Variants in HIBADH observed in about 807,000 individuals in gnomAD.
HIBADH encodes 3-hydroxyisobutyrate dehydrogenase.
HIBADH carries 25 observed loss-of-function variants against 36.1 expected under a neutral mutation model. The observed-to-expected ratio is 0.69, with a 90% CI of 0.50 to 0.97. The LOEUF is 0.97. HIBADH is among the 50% of genes least tolerant of loss of function. The probability of loss-of-function intolerance (pLI) is 0.00; values close to 1 mark genes in which losing one functional copy is unlikely to be tolerated. For synonymous variants in HIBADH, 160 were observed against 149.5 expected (o/e 1.07, Z -0.51); for missense variants, 421 against 418.0 (o/e 1.01, Z -0.06).
At position 27,629,450 on chromosome 7, in the gene HIBADH, A is replaced by G; in HGVS notation, c.405T>C (p.Ile135=). Residue 135 remains isoleucine, a synonymous_variant, in exon 4 of 8, where the codon ATT becomes ATC. Transcript: ENST00000265395. ...CCAATTCTTTTGAAACTGCAGGATC[A>G]ATAGTGCTGGAATCTATTAATAATG... ...KGSLLIDSST[I]DPAVSKELAK... The G allele has an allele frequency of 1.2e-6, 2 of 1,608,730 alleles. No homozygotes were observed. Among genetic ancestry groups the G allele is most frequent in the Non-Finnish European group, 1.7e-6 (2 of 1,176,238 alleles).
intron 4 of HIBADH, among the ~76,000 whole-genome samples, chr7:27,594,024 A>AT (rs1317147433): frequency 3.3e-5 from 5 of 149,896 alleles, no homozygotes; most frequent in South Asian, 2.1e-4. Flanking sequence ...CTCCGTCTCA[A>AT]AAAATAAATA....
At chr7:27,538,124 C>T (rs1359212699) in intron 6 of HIBADH, among the ~76,000 whole-genome samples, 7 of 152,286 alleles carry the variant, frequency 4.6e-5, no homozygotes, top group African/African-American at 1.4e-4. Context: ...AATGCACAGG[C>T]AATACATTTT....
At chr7:27,544,113 C>G (rs1401498937) in intron 4 of HIBADH, among the ~76,000 whole-genome samples, 1 of 152,060 alleles carries the variant, frequency 6.6e-6, no homozygotes, top group Non-Finnish European at 1.5e-5. Context: ...CTGTAATTGT[C>G]TGTAGTATGT....
intron 4 of HIBADH, among the ~76,000 whole-genome samples, chr7:27,558,727 A>T (rs1784427219): frequency 6.6e-6 from 1 of 152,168 alleles, no homozygotes; most frequent in African/African-American, 2.4e-5. Flanking sequence ...ACAAAACACA[A>T]GCATTTAGTC....
At chr7:27,622,482 A>G (rs1314428151) in intron 4 of HIBADH, among the ~76,000 whole-genome samples, 3 of 152,122 alleles carry the variant, frequency 2.0e-5, no homozygotes, top group African/African-American at 4.8e-5. Context: ...ACAAAGGATC[A>G]ACAAAACAAA....
At chr7:27,637,205 A>G (rs904835365) in intron 2 of HIBADH, among the ~76,000 whole-genome samples, 28 of 152,208 alleles carry the variant, frequency 1.8e-4, no homozygotes, top group African/African-American at 6.0e-4. Flanking sequence ...CCCATTTTAT[A>G]TAAGAATAAG....
intron 4 of HIBADH, among the ~76,000 whole-genome samples, chr7:27,575,919 A>G (rs754697359): frequency 6.6e-5 from 10 of 152,220 alleles, no homozygotes; most frequent in Non-Finnish European, 1.5e-4. Flanking sequence ...TATGCATACA[A>G]TCTTCCTTTG....
intron 4 of HIBADH, among the ~76,000 whole-genome samples, chr7:27,578,892 T>G (rs936075275): frequency 6.6e-6 from 1 of 152,110 alleles, no homozygotes; most frequent in Non-Finnish European, 1.5e-5. Context: ...CTCTATATGG[T>G]AACCAGAAAG....
chr7:27,588,024 A>G (rs1182596443), intron 4 of HIBADH, among the ~76,000 whole-genome samples: 1 of 152,248 alleles, frequency 6.6e-6, no homozygotes, highest in Non-Finnish European at 1.5e-5. Context: ...AATTTAGCTA[A>G]AATAGGGATT....
chr7:27,613,367 G>C (rs572463820), intron 4 of HIBADH, among the ~76,000 whole-genome samples: 3 of 57,510 alleles, frequency 5.2e-5, no homozygotes, highest in Admixed American at 3.8e-4. Flanking sequence ...AAAGAGCCTC[G>C]TTTAGATAGA....
chr7:27,626,455 T>C lies in HIBADH; in HGVS notation c.484+2916A>G, dbSNP rs531023865. Reference sequence around the variant, plus strand: ...GAAGTCATATAGCACTTAAATACAATTGTATTCTTTCTAATAAGGATAATG... The same window carrying C: ...GAAGTCATATAGCACTTAAATACAACTGTATTCTTTCTAATAAGGATAATG... On this transcript the variant is annotated intron_variant, in intron 4 of 7. Coordinates refer to ENST00000265395, the MANE Select transcript of HIBADH (RefSeq NM_152740.4). Among the ~76,000 whole-genome samples the C allele has an allele frequency of 9.9e-5, 15 of 152,260 alleles. 1 individual carries two copies. In the Middle Eastern group the frequency reaches 0.01, roughly 104 times the overall value.
At chr7:27,587,007 C>T (rs1191037097) in intron 4 of HIBADH, among the ~76,000 whole-genome samples, 1 of 152,226 alleles carries the variant, frequency 6.6e-6, no homozygotes, top group Non-Finnish European at 1.5e-5. Flanking sequence ...TGCATGGTCA[C>T]GTCCATCTGG....
chr7:27,659,097 T>C (rs995620612), intron 1 of HIBADH, among the ~76,000 whole-genome samples: 1 of 152,204 alleles, frequency 6.6e-6, no homozygotes, highest in Non-Finnish European at 1.5e-5. Flanking sequence ...ATTTCACATA[T>C]ACAAAAAGGA....
At chr7:27,550,000 C>T (rs971760684) in intron 4 of HIBADH, among the ~76,000 whole-genome samples, 1 of 152,110 alleles carries the variant, frequency 6.6e-6, no homozygotes, top group African/African-American at 2.4e-5. Context: ...CTCTGCCTCC[C>T]AGGTTCAAGC....
In HIBADH at chr7:27,608,834, T is replaced by A. The variant is rs191559375; in HGVS notation, c.484+20537A>T. 7.2e-5 allele frequency among the ~76,000 whole-genome samples: 11 copies of A among 152,318 alleles called. No individual in the cohort carries two copies. The East Asian group carries it at 2.1e-3, about 29-fold the overall frequency. On this transcript the variant is annotated intron_variant, in intron 4 of 7. Transcript: ENST00000265395. The stretch of plus-strand genomic sequence containing the variant: ...AATTGTGTCTGACTTACATCCTGAA[T>A]GGCAATTAAAGGACATTAAAAATAC...
In HIBADH at chr7:27,563,962, G is replaced by A. The variant is rs1011384587; in HGVS notation, c.485-20862C>T. Among the ~76,000 whole-genome samples, 481 of 146,260 alleles carry A rather than the reference G, an allele frequency of 3.3e-3. 6 individuals are homozygous for A. Among genetic ancestry groups the A allele is most frequent in the African/African-American group, 0.011 (447 of 39,248 alleles). On this transcript the variant is annotated intron_variant, in intron 4 of 7. Transcript: ENST00000265395. ...CGCCCAGGCTGGAGTGCAGTGGCACGATCTCGGCTCACTGTAAGCTCTGCC... is the reference window on the plus strand; with the variant it reads ...CGCCCAGGCTGGAGTGCAGTGGCACAATCTCGGCTCACTGTAAGCTCTGCC...
chr7:27,601,116 T>C lies in HIBADH; in HGVS notation c.484+28255A>G, dbSNP rs549113437. On this transcript the variant is annotated intron_variant, in intron 4 of 7. Transcript: ENST00000265395. ...AAACCTATGTATAAAACTGTAAAAG[T>C]TAAATCATGATGAGTATGGGCCGGT... Among the ~76,000 whole-genome samples, 4 of 152,224 alleles carry C rather than the reference T, an allele frequency of 2.6e-5. No homozygotes were observed. In the South Asian group the frequency reaches 8.3e-4, roughly 32 times the overall value.
intron 1 of HIBADH, among the ~76,000 whole-genome samples, chr7:27,662,240 GTGGT>G (rs1469828743): frequency 6.6e-6 from 1 of 152,158 alleles, no homozygotes; most frequent in Non-Finnish European, 1.5e-5. Context: ...TCGGACTCAG[GTGGT>G]TAAACATCAG....
chr7:27,592,424 T>C (rs967637466), intron 4 of HIBADH, among the ~76,000 whole-genome samples: 4 of 152,056 alleles, frequency 2.6e-5, no homozygotes, highest in South Asian at 2.1e-4. Flanking sequence ...GAAACCAAAA[T>C]AGGAAAGATG....
Sources: allele counts gnomAD v4.1 joint callset (sites outside exome capture counted in the v4.1 genomes callset), GRCh38; gene constraint gnomAD v4.1.1; transcripts MANE v1.5; gene names NCBI Gene and HGNC (gene_info 2026-07-23, HGNC 2026-07-21).